GALR1: variants seen among roughly 807,000 people sequenced by gnomAD.
GALR1 encodes the protein galanin receptor 1, also known as galanin receptor type 1.
Under a neutral mutation model 17.9 loss-of-function variants are expected in GALR1, and 11 were observed. That is an observed-to-expected ratio of 0.62 (90% confidence interval 0.39 to 1.02). GALR1 has a LOEUF of 1.02. Among genes scored for constraint, GALR1 ranks in the 50% least tolerant of loss-of-function variants. The probability of loss-of-function intolerance (pLI) is 0.01; values close to 1 mark genes in which losing one functional copy is unlikely to be tolerated. For synonymous variants in GALR1, 206 were observed against 205.7 expected (o/e 1.00, Z -0.01); for missense variants, 441 against 456.9 (o/e 0.97, Z 0.32).
rs1913131694 is a variant in GALR1 at position 77,275,152 on chromosome 18, G to C, written c.*6250G>C. On this transcript the variant is annotated 3_prime_UTR_variant, in exon 3 of 3. Transcript: ENST00000299727. ...GTGGCCTCCTGAGGGCCTTGCATGG[G>C]GTTCTGGACCCAGCGGGGGCCACAT... is the stretch of plus-strand genomic sequence containing the variant. 1 of 152,248 alleles carries C rather than the reference G, an allele frequency of 6.6e-6. No individual in the cohort carries two copies. 9.4% of individuals were successfully genotyped at this position (152,248 alleles called of 1,614,324 possible).
In GALR1 at chr18:77,250,426, G is replaced by A. The variant is rs1308612679; in HGVS notation, c.-123G>A. On this transcript the variant is annotated 5_prime_UTR_variant, in exon 1 of 3. Coordinates refer to ENST00000299727, the MANE Select transcript of GALR1 (RefSeq NM_001480.4). ...CCCGCTGGCTCGCGCCTCGGGGGAA[G>A]CTCAGACTCCTAAACTCGCACTCTC... 4 of 1,071,790 alleles carry A rather than the reference G, an allele frequency of 3.7e-6. No individual in the cohort carries two copies. The African/African-American group carries it at 6.7e-5, about 18-fold the overall frequency. 66.4% of individuals were successfully genotyped at this position (1,071,790 alleles called of 1,614,324 possible).
chr18:77,270,302 C>A lies in GALR1; in HGVS notation c.*1400C>A, dbSNP rs1451121304. The A allele has an allele frequency of 6.6e-6, 1 of 152,080 alleles. No individual in the cohort carries two copies. Among genetic ancestry groups the A allele is most frequent in the Non-Finnish European group, 1.5e-5 (1 of 68,048 alleles). 9.4% of individuals were successfully genotyped at this position (152,080 alleles called of 1,614,324 possible). A position where few individuals can be genotyped will look rare whatever the true frequency, so the allele number is the denominator to read the frequency against. ...TCCAGCTGTGTGGAATGTACTTGAG[C>A]TCAGGAGTTTGAGACCAGTGTGGGC... On this transcript the variant is annotated 3_prime_UTR_variant, in exon 3 of 3. Coordinates refer to ENST00000299727, the MANE Select transcript of GALR1 (RefSeq NM_001480.4).
At chr18:77,256,104 G>A (rs1912581556) in intron 1 of GALR1, 54 bp from the exon 2 acceptor site, 3 of 874,050 alleles carry the variant, frequency 3.4e-6, no homozygotes, top group Non-Finnish European at 5.8e-6. Flanking sequence ...TGCAACATAG[G>A]CAGTGGGTTA....
chr18:77,251,396 G>A (rs905423592), intron 1 of GALR1, among the ~76,000 whole-genome samples, 182 bp downstream of exon 1: 2 of 152,258 alleles, frequency 1.3e-5, no homozygotes, highest in African/African-American at 2.4e-5. Context: ...GCTGGAGCGT[G>A]CCATTGGCTT....
At chr18:77,252,881 TCACCACCACCACCATCACCACCAC>T (rs1912460611) in intron 1 of GALR1, among the ~76,000 whole-genome samples, 14 of 55,290 alleles carry the variant, frequency 2.5e-4, no homozygotes, top group South Asian at 1.4e-3. Context: ...ACCACCACCA[TCACCACCACCACCATCACCACCAC>T]CACCACCACC....
rs1231392544 is a variant in GALR1 at position 77,275,537 on chromosome 18, G to A, written c.*6635G>A. ...GATCAGCGTGATAGACAGGTGTCTT[G>A]CTATGTGACTTGCCATTGCGGTCAC... On this transcript the variant is annotated 3_prime_UTR_variant, in exon 3 of 3. Coordinates refer to ENST00000299727, the MANE Select transcript of GALR1 (RefSeq NM_001480.4). The A allele has an allele frequency of 6.6e-6, 1 of 152,222 alleles. No homozygotes were observed. The highest frequency in any genetic ancestry group is 2.4e-5 in the African/African-American group (1 of 41,458). The allele number at this position is 152,222 out of a possible 1,614,324, so 9.4% of individuals were successfully genotyped here.
chr18:77,264,057 G>A (rs560938605), intron 2 of GALR1, among the ~76,000 whole-genome samples: 40 of 146,106 alleles, frequency 2.7e-4, no homozygotes, highest in African/African-American at 8.9e-4. Context: ...TCGCTTGAAC[G>A]TGGGAGATGG....
intron 1 of GALR1, among the ~76,000 whole-genome samples, chr18:77,254,924 C>T (rs1447097898): frequency 6.6e-6 from 1 of 152,162 alleles, no homozygotes; most frequent in African/African-American, 2.4e-5. Context: ...AATTCACGTC[C>T]CTGGGGTGGC....
Position 77,257,273 on chromosome 18 carries a change from C to CT in GALR1, c.732+1060dup, listed in dbSNP as rs375480372. Among the ~76,000 whole-genome samples, 132 of 149,598 alleles carry CT rather than the reference C, an allele frequency of 8.8e-4. No homozygotes were observed. The South Asian group carries it at 0.012, about 13-fold the overall frequency. ...TGGTTATAGAGCACAAACATTAAGA[C>CT]TTTTTTTTTTCCCTGGCAGCAAAAA... On this transcript the variant is annotated intron_variant, in intron 2 of 2. Coordinates refer to ENST00000299727, the MANE Select transcript of GALR1 (RefSeq NM_001480.4).
chr18:77,251,264 G>A, intron 1 of GALR1, 50 bp downstream of exon 1: 1 of 1,549,504 alleles, frequency 6.5e-7, no homozygotes, highest in Non-Finnish European at 8.7e-7. Context: ...CGGAGGGCCG[G>A]TGGGGGCCCT....
Position 77,252,914 on chromosome 18 carries a change from CCACCACCAT to C in GALR1, c.666+1709_666+1717del, listed in dbSNP as rs1912473518. ...ACCACCATCACCACCACCACCACCACCACCACCATCACCACCACCACCACCACCACCACC... is the reference window on the plus strand; with the variant it reads ...ACCACCATCACCACCACCACCACCACCACCACCACCACCACCACCACCACC... On this transcript the variant is annotated intron_variant, in intron 1 of 2. Transcript: ENST00000299727. 2.1e-3 allele frequency among the ~76,000 whole-genome samples: 77 copies of C among 37,412 alleles called. 1 individual carries two copies. Among genetic ancestry groups the C allele is most frequent in the East Asian group, 3.7e-3 (5 of 1,334 alleles). 24.5% of individuals were successfully genotyped at this position (37,412 alleles called of 152,430 possible). A position where few individuals can be genotyped will look rare whatever the true frequency, so the allele number is the denominator to read the frequency against.
intron 1 of GALR1, among the ~76,000 whole-genome samples, chr18:77,252,808 A>C (rs894624377): frequency 1.3e-5 from 2 of 150,776 alleles, no homozygotes; most frequent in Non-Finnish European, 2.9e-5. Flanking sequence ...AAATCGTGCC[A>C]CTGAACTCTA....
intron 1 of GALR1, among the ~76,000 whole-genome samples, 175 bp downstream of exon 1, chr18:77,251,389 G>A (rs1210707716): frequency 6.6e-6 from 1 of 152,236 alleles, no homozygotes; most frequent in Non-Finnish European, 1.5e-5. Flanking sequence ...GGCCGCTGCT[G>A]GAGCGTGCCA....
chr18:77,256,409 G>A (rs536186908), intron 2 of GALR1, among the ~76,000 whole-genome samples, 186 bp downstream of exon 2: 2 of 152,242 alleles, frequency 1.3e-5, no homozygotes, highest in Non-Finnish European at 2.9e-5. Context: ...CAAGGGCACC[G>A]TGGGTCACTC....
intron 2 of GALR1, among the ~76,000 whole-genome samples, chr18:77,257,559 A>G (rs35416367): frequency 0.067 from 10,170 of 152,264 alleles, 407 homozygotes; most frequent in Non-Finnish European, 0.087. Context: ...CTGTTATGGT[A>G]GAGATTTTCC....
rs1325129883 is a variant in GALR1 at position 77,250,615 on chromosome 18, C to G, written c.67C>G (p.Pro23Ala). 2.5e-6 allele frequency: 4 copies of G among 1,573,772 alleles called. No homozygotes were observed. Among genetic ancestry groups the G allele is most frequent in the Admixed American group, 1.8e-5 (1 of 54,870 alleles). ...ASWPEPPAPE[P>A]GPLFGIGVEN... ...CTGGCCGGAGCCCCCCGCCCCGGAG[C>G]CCGGGCCGCTGTTCGGCATCGGCGT... Residue 23 changes from proline (P) to alanine (A), a missense_variant, in exon 1 of 3, where the codon CCC becomes GCC. Pro to Ala is a conservative substitution (Grantham distance 27). Coordinates refer to ENST00000299727, the MANE Select transcript of GALR1 (RefSeq NM_001480.4).
chr18:77,268,076 C>G (rs912513617), intron 2 of GALR1, among the ~76,000 whole-genome samples: 7 of 152,124 alleles, frequency 4.6e-5, no homozygotes, highest in African/African-American at 7.2e-5. Context: ...TGAAACACAT[C>G]GCTGCATCAA....
chr18:77,251,645 G>C (rs2144946962), intron 1 of GALR1, among the ~76,000 whole-genome samples: 1 of 152,278 alleles, frequency 6.6e-6, no homozygotes, highest in East Asian at 1.9e-4. Context: ...GGTTACCGCC[G>C]CGGCGCTGTG....
At chr18:77,262,065 C>T (rs148237331) in intron 2 of GALR1, among the ~76,000 whole-genome samples, 85 of 152,148 alleles carry the variant, frequency 5.6e-4, no homozygotes, top group African/African-American at 1.4e-3. Context: ...TGACCTCAAG[C>T]GATCCTCCTG....
Sources: allele counts gnomAD v4.1 joint callset (sites outside exome capture counted in the v4.1 genomes callset), GRCh38; gene constraint gnomAD v4.1.1; transcripts MANE v1.5; gene names NCBI Gene and HGNC (gene_info 2026-07-23, HGNC 2026-07-21).